PLS3: variants seen among roughly 807,000 people sequenced by gnomAD.
The protein encoded by PLS3 is plastin-3.
Under a neutral mutation model 46.5 loss-of-function variants are expected in PLS3, and 11 were observed. The observed-to-expected ratio is 0.24, with a 90% CI of 0.15 to 0.39. PLS3 has a LOEUF of 0.39. PLS3 is among the 10% of genes least tolerant of loss of function. The pLI, the probability that PLS3 is intolerant of heterozygous loss-of-function variation, is 1.00. For missense variants in PLS3, 308 were observed against 461.8 expected (o/e 0.67, Z 3.05); for synonymous variants, 167 against 162.2 (o/e 1.03, Z -0.22).
intron 1 of PLS3, among the ~76,000 whole-genome samples, chrX:115,596,509 G>A (rs1220513064): frequency 9.0e-6 from 1 of 111,471 alleles, no homozygotes; most frequent in African/African-American, 3.3e-5. Context: ...GGAGGAACGG[G>A]TTAGCAACTA....
At position 115,611,984 on chromosome X, in the gene PLS3, A is replaced by G. The variant is rs782468704; in HGVS notation, c.73+1661A>G. Among the ~76,000 whole-genome samples, 72 of 111,874 alleles carry G rather than the reference A, an allele frequency of 6.4e-4. 2 individuals are homozygous for G. In the South Asian group the frequency reaches 0.026, roughly 41 times the overall value. On this transcript the variant is annotated intron_variant, in intron 2 of 15. Coordinates refer to ENST00000355899, the MANE Select transcript of PLS3 (RefSeq NM_005032.7). Reference sequence around the variant, plus strand: ...CCCCTGCCAGGCATATGTTCCTAACATACTCAGGCTCTTATTACTATATAT... The same window carrying G: ...CCCCTGCCAGGCATATGTTCCTAACGTACTCAGGCTCTTATTACTATATAT...
chrX:115,643,515 A>AAAAACCTC lies in PLS3; in HGVS notation c.1183+10_1183+17dup. On this transcript the variant is annotated splice_region_variant and intron_variant, in intron 10 of 15. Coordinates refer to ENST00000355899, the MANE Select transcript of PLS3 (RefSeq NM_005032.7). The stretch of plus-strand genomic sequence containing the variant: ...GACTGGACTCTATTAGAAGGTAACT[A>AAAAACCTC]AAAACCTCAATTTCGAATGTGTGGG... The AAAAACCTC allele has an allele frequency of 9.3e-7, 1 of 1,072,560 alleles. No homozygotes were observed. The highest frequency in any genetic ancestry group is 1.3e-6 in the Non-Finnish European group (1 of 770,527). 88.4% of individuals were successfully genotyped at this position (1,072,560 alleles called of 1,213,427 possible).
At chrX:115,578,187 A>C (rs1163425006) in intron 1 of PLS3, among the ~76,000 whole-genome samples, 3 of 112,047 alleles carry the variant, frequency 2.7e-5, no homozygotes, top group African/African-American at 9.7e-5. Flanking sequence ...GAAATCAAGG[A>C]GTATCCATGT....
chrX:115,606,835 A>T (rs1360791629), intron 1 of PLS3, among the ~76,000 whole-genome samples: 2 of 111,302 alleles, frequency 1.8e-5, no homozygotes, highest in African/African-American at 6.5e-5. Context: ...TACGAATTTT[A>T]AAAAAAAATT....
intron 1 of PLS3, among the ~76,000 whole-genome samples, chrX:115,567,548 G>T (rs1404957716): frequency 3.6e-5 from 4 of 109,725 alleles, no homozygotes; most frequent in African/African-American, 1.3e-4. Context: ...CCGAGATTGC[G>T]CCATTGCACT....
intron 1 of PLS3, among the ~76,000 whole-genome samples, chrX:115,568,245 A>C (rs1385114670): frequency 2.7e-5 from 3 of 111,912 alleles, no homozygotes; most frequent in Admixed American, 9.5e-5. Context: ...TTGCTATACT[A>C]TTCAACATGT....
intron 1 of PLS3, among the ~76,000 whole-genome samples, chrX:115,566,451 T>G (rs1257653012): frequency 1.9e-5 from 2 of 106,521 alleles, no homozygotes; most frequent in Non-Finnish European, 3.9e-5. Context: ...GCAGCGGCCG[T>G]GATCTCGGCT....
intron 3 of PLS3, 46 bp downstream of exon 3, chrX:115,622,455 C>A: frequency 1.2e-6 from 1 of 844,126 alleles, no homozygotes; most frequent in African/African-American, 2.0e-5. Context: ...TAGATGTTCC[C>A]TCGTCTAGTG....
At chrX:115,648,601 C>T (rs1156530359) in intron 15 of PLS3, among the ~76,000 whole-genome samples, 2 of 110,923 alleles carry the variant, frequency 1.8e-5, no homozygotes, top group East Asian at 5.7e-4. Context: ...TCATGGGTGA[C>T]CCATGAAAAC....
At position 115,594,412 on chromosome X, in the gene PLS3, GAAACA is replaced by G. The variant is rs782570009; in HGVS notation, c.-8-15823_-8-15819del. 2.3e-3 allele frequency among the ~76,000 whole-genome samples: 260 copies of G among 111,751 alleles called. 1 individual carries two copies. The highest frequency in any genetic ancestry group is 0.014 in the Middle Eastern group (3 of 216). ...GCATATGAAGTAAAAAGTGAAGCAT[GAAACA>G]AAACAAACCAGTTTTTTCAATTAAC... On this transcript the variant is annotated intron_variant, in intron 1 of 15. Transcript: ENST00000355899.
intron 8 of PLS3, among the ~76,000 whole-genome samples, chrX:115,637,506 A>G (rs1280201372): frequency 8.9e-6 from 1 of 111,872 alleles, no homozygotes; most frequent in Non-Finnish European, 1.9e-5. Context: ...AAAACATAGT[A>G]TGTGGCATAT....
At chrX:115,638,057 A>G (rs372131178) in intron 8 of PLS3, among the ~76,000 whole-genome samples, 3 of 109,491 alleles carry the variant, frequency 2.7e-5, no homozygotes. Context: ...CAATCTTCCC[A>G]CTTCAGCCTC....
intron 8 of PLS3, 70 bp downstream of exon 8, chrX:115,637,048 G>C: frequency 9.6e-7 from 1 of 1,041,979 alleles, no homozygotes; most frequent in East Asian, 3.0e-5. Flanking sequence ...CAGCTTAACA[G>C]AGAGAAAATC....
chrX:115,597,918 T>C (rs782407118), intron 1 of PLS3, among the ~76,000 whole-genome samples: 1 of 111,443 alleles, frequency 9.0e-6, no homozygotes, highest in South Asian at 3.8e-4. Flanking sequence ...ACAGAAGAGC[T>C]AGACCTGAAA....
chrX:115,619,862 C>A (rs376645986), intron 2 of PLS3, among the ~76,000 whole-genome samples: 1 of 111,393 alleles, frequency 9.0e-6, no homozygotes, highest in Non-Finnish European at 1.9e-5. Context: ...GAGACCCTGT[C>A]TCAAAGAAAT....
chrX:115,640,388 A>G lies in PLS3; in HGVS notation c.892-20A>G, dbSNP rs1556640845. On this transcript the variant is annotated intron_variant, in intron 8 of 15. Transcript: ENST00000355899. ...ATTCCTTGTAACTGTGATCTCACTG[A>G]CATTTTCAATTCTTTGTAGGATTCC... 3.9e-6 allele frequency: 4 copies of G among 1,033,353 alleles called. No individual in the cohort carries two copies. Among genetic ancestry groups the G allele is most frequent in the Non-Finnish European group, 5.5e-6 (4 of 733,303 alleles). 85.2% of individuals were successfully genotyped at this position (1,033,353 alleles called of 1,213,427 possible). A position where few individuals can be genotyped will look rare whatever the true frequency, so the allele number is the denominator to read the frequency against.
At chrX:115,646,350 T>G in intron 12 of PLS3, 52 bp from the exon 13 acceptor site, 1 of 1,155,014 alleles carries the variant, frequency 8.7e-7, no homozygotes, top group Non-Finnish European at 1.2e-6. Flanking sequence ...CACACACGTA[T>G]GCAGATTAAA....
At chrX:115,602,952 G>GT (rs1190718488) in intron 1 of PLS3, among the ~76,000 whole-genome samples, 8 of 110,948 alleles carry the variant, frequency 7.2e-5, no homozygotes, top group Non-Finnish European at 1.5e-4. Context: ...GGACCTCATG[G>GT]TACTGAATGA....
intron 1 of PLS3, among the ~76,000 whole-genome samples, chrX:115,588,765 TGAGA>T (rs1265312961): frequency 9.0e-6 from 1 of 110,726 alleles, no homozygotes; most frequent in Non-Finnish European, 1.9e-5. Context: ...TTTTTTTGAG[TGAGA>T]GAGAGACCCT....
Sources: gnomAD v4.1 joint callset for allele counts (sites outside exome capture counted in the v4.1 genomes callset) on GRCh38, gnomAD v4.1.1 for gene constraint, MANE v1.5 for transcripts, NCBI Gene and HGNC (gene_info 2026-07-23, HGNC 2026-07-21) for gene names.